The following VIL1 variants were observed in gnomAD, a reference collection of about 807,000 sequenced individuals.
VIL1 encodes the protein villin-1.
Under a neutral mutation model 104.0 loss-of-function variants are expected in VIL1, and 86 were observed. The observed-to-expected ratio is 0.83, with a 90% CI of 0.69 to 0.99. VIL1 has a LOEUF of 0.99. VIL1 is among the 50% of genes least tolerant of loss of function. VIL1 has a pLI of 0.00. For synonymous variants in VIL1, 394 were observed against 412.6 expected (o/e 0.95, Z 0.55); for missense variants, 944 against 1,054.1 (o/e 0.90, Z 1.45).
chr2:218,449,729 G>T lies in VIL1; in HGVS notation c.*393G>T. Reference sequence around the variant, plus strand: ...GGCAGGTAGGCTGAAGCACTTTGCAGGTTTACATCTTCCCCAGAGTAACAG... The same window carrying T: ...GGCAGGTAGGCTGAAGCACTTTGCATGTTTACATCTTCCCCAGAGTAACAG... On this transcript the variant is annotated 3_prime_UTR_variant, in exon 20 of 20. Coordinates refer to ENST00000248444, the MANE Select transcript of VIL1 (RefSeq NM_007127.3). 5.7e-6 allele frequency: 1 copy of T among 176,108 alleles called. No individual in the cohort carries two copies. Among genetic ancestry groups the T allele is most frequent in the South Asian group, 1.3e-4 (1 of 7,972 alleles). The allele number at this position is 176,108 out of a possible 1,614,324, so 10.9% of individuals were successfully genotyped here.
chr2:218,434,379 C>T (rs1331509892), intron 13 of VIL1, 147 bp from the exon 14 acceptor site: 2 of 760,894 alleles, frequency 2.6e-6, no homozygotes, highest in African/African-American at 1.8e-5. Flanking sequence ...GTGATGCAAA[C>T]AATGTTTTAG....
At position 218,430,839 on chromosome 2, in the gene VIL1, A is replaced by G. The variant is rs1689082893; in HGVS notation, c.1063A>G (p.Thr355Ala). ...LFQKWTASNR[T>A]SGLGKTHTVG... is the part of the protein sequence containing the mutation. ...CCAGAAGTGGACAGCGTCCAACCGGACCTCAGGCCTAGGCAAAACCCACAC... is the reference window on the plus strand; with the variant it reads ...CCAGAAGTGGACAGCGTCCAACCGGGCCTCAGGCCTAGGCAAAACCCACAC... The change falls in exon 10 of 20, where the codon ACC becomes GCC. Residue 355 changes from threonine (T) to alanine (A), a missense_variant. Coordinates refer to ENST00000248444, the MANE Select transcript of VIL1 (RefSeq NM_007127.3). 6.2e-7 allele frequency: 1 copy of G among 1,613,904 alleles called. No homozygotes were observed. The highest frequency in any genetic ancestry group is 1.3e-5 in the African/African-American group (1 of 75,000).
At chr2:218,420,245 C>T (rs147704638) in intron 1 of VIL1, among the ~76,000 whole-genome samples, 186 of 152,148 alleles carry the variant, frequency 1.2e-3, no homozygotes, top group African/African-American at 4.4e-3. Context: ...GCCTGACCAA[C>T]ATAGTGAAAC....
chr2:218,432,371 C>A (rs529545606), intron 12 of VIL1, 188 bp downstream of exon 12: 3 of 913,618 alleles, frequency 3.3e-6, no homozygotes, highest in South Asian at 2.9e-5. Context: ...CCTTTTGGTT[C>A]TCTGAGTCTC....
At chr2:218,440,052 T>A (rs1464811317) in intron 18 of VIL1, among the ~76,000 whole-genome samples, 1 of 152,004 alleles carries the variant, frequency 6.6e-6, no homozygotes, top group Non-Finnish European at 1.5e-5. Context: ...CATGAAACCC[T>A]TCTTGGTGGA....
intron 1 of VIL1, among the ~76,000 whole-genome samples, chr2:218,422,179 C>T (rs1412760419): frequency 1.3e-5 from 2 of 152,034 alleles, no homozygotes; most frequent in African/African-American, 2.4e-5. Context: ...CACTTGAACC[C>T]GGGAGGCGGA....
chr2:218,432,467 T>C, intron 12 of VIL1: 1 of 692,022 alleles, frequency 1.4e-6, no homozygotes. Context: ...GAGCAGGGAG[T>C]GTGTCTAGGA....
rs780202109 is a variant in VIL1, at chr2:218,432,193, C to T, written c.1341+10C>T. 26 of 1,609,558 alleles carry T rather than the reference C, an allele frequency of 1.6e-5. No individual in the cohort carries two copies. The highest frequency in any genetic ancestry group is 1.1e-4 in the East Asian group (5 of 44,872). On this transcript the variant is annotated intron_variant, in intron 12 of 19. Coordinates refer to ENST00000248444, the MANE Select transcript of VIL1 (RefSeq NM_007127.3). ...GCTCTACGTTTGGCAGGTCAGGTCC[C>T]GCCACGTCCCACCCAGAGCACAGCC...
At position 218,440,836 on chromosome 2, in the gene VIL1, G is replaced by C. The variant is rs368993342; in HGVS notation, c.2344G>C (p.Glu782Gln). 2 of 1,613,994 alleles carry C rather than the reference G, an allele frequency of 1.2e-6. No individual in the cohort carries two copies. The highest frequency in any genetic ancestry group is 8.5e-7 in the Non-Finnish European group (1 of 1,180,004). Residue 782 changes from glutamate (E) to glutamine (Q), a missense_variant, in exon 19 of 20, where the codon GAG becomes CAG. Transcript: ENST00000248444. ...GAACAAGCCTGTAGAGGAGCTCCCCGAGGGTGTGGACCCCAGCAGGAAGGA... is the reference window on the plus strand; with the variant it reads ...GAACAAGCCTGTAGAGGAGCTCCCCCAGGGTGTGGACCCCAGCAGGAAGGA... ...LVNKPVEELP[E>Q]GVDPSRKEEH...
chr2:218,426,641 G>A (rs529635775), intron 4 of VIL1, among the ~76,000 whole-genome samples: 7 of 150,666 alleles, frequency 4.6e-5, no homozygotes, highest in African/African-American at 1.2e-4. Flanking sequence ...TTGTTCTGCC[G>A]CCCAGGCTGG....
rs759356095 is a variant in VIL1, at chr2:218,429,851, C to T, written c.852C>T (p.Asp284=). 1.2e-6 allele frequency: 2 copies of T among 1,612,836 alleles called. No homozygotes were observed. Among genetic ancestry groups the T allele is most frequent in the Non-Finnish European group, 1.7e-6 (2 of 1,179,458 alleles). Residue 284 remains aspartate (D), a splice_region_variant and synonymous_variant, in exon 9 of 20, where the codon GAC becomes GAT. Coordinates refer to ENST00000248444, the MANE Select transcript of VIL1 (RefSeq NM_007127.3). The part of the protein sequence containing the change: ...PLTQDLLSHE[D]CYILDQGGLK... ...ACTCTTACCTCTCCCGACTCTAGGACTGTTACATCCTGGACCAGGGGGGCC... is the reference window on the plus strand; with the variant it reads ...ACTCTTACCTCTCCCGACTCTAGGATTGTTACATCCTGGACCAGGGGGGCC...
intron 4 of VIL1, among the ~76,000 whole-genome samples, chr2:218,427,158 C>T (rs953584632): frequency 4.6e-5 from 7 of 152,186 alleles, no homozygotes; most frequent in African/African-American, 1.7e-4. Flanking sequence ...GCTGAGGGCT[C>T]TCTAATTAGC....
chr2:218,442,105 G>C (rs957746655), intron 19 of VIL1, among the ~76,000 whole-genome samples: 2 of 152,228 alleles, frequency 1.3e-5, no homozygotes, highest in Non-Finnish European at 2.9e-5. Context: ...CAGGCCGACA[G>C]GTAGGTGGGA....
intron 1 of VIL1, among the ~76,000 whole-genome samples, chr2:218,422,942 C>T (rs1477199017): frequency 6.6e-6 from 1 of 152,164 alleles, no homozygotes; most frequent in Non-Finnish European, 1.5e-5. Flanking sequence ...TAAAAGCACC[C>T]ATGCCTCACC....
At chr2:218,441,943 C>T (rs1440674759) in intron 19 of VIL1, among the ~76,000 whole-genome samples, 1 of 152,126 alleles carries the variant, frequency 6.6e-6, no homozygotes. Flanking sequence ...GCCGAGATTT[C>T]ACCATTGCAC....
rs907178790 is a variant in VIL1, at chr2:218,451,134, A to G, written c.*1798A>G. 1 of 152,216 alleles carries G rather than the reference A, an allele frequency of 6.6e-6. No individual in the cohort carries two copies. The highest frequency in any genetic ancestry group is 2.4e-5 in the African/African-American group (1 of 41,458). The allele number at this position is 152,216 out of a possible 1,614,324, so 9.4% of individuals were successfully genotyped here. On this transcript the variant is annotated 3_prime_UTR_variant, in exon 20 of 20. Coordinates refer to ENST00000248444, the MANE Select transcript of VIL1 (RefSeq NM_007127.3). ...AAAATTAGGATTTTGAAGTAATGCA[A>G]TAAAAAGATGTTGGAGGGCAGAAGT...
In VIL1 at chr2:218,437,104, T is replaced by TC; in HGVS notation, c.1972-16dup. ...AGGGAGGACAGGAAGGATGGACTGA[T>TC]CCCCTGGGTTTCTCAATAGGTCTTC... is the stretch of plus-strand genomic sequence containing the variant. On this transcript the variant is annotated intron_variant, in intron 16 of 19. Transcript: ENST00000248444. 6.2e-7 allele frequency: 1 copy of TC among 1,609,460 alleles called. No individual in the cohort carries two copies.
rs1357008220 is a variant in VIL1 at position 218,434,670 on chromosome 2, A to G, written c.1645A>G (p.Lys549Glu). The G allele has an allele frequency of 6.2e-7, 1 of 1,614,052 alleles. No individual in the cohort carries two copies. The stretch of plus-strand genomic sequence containing the variant: ...CAATTCCAATGATGTCTTTGTCCTC[A>G]AGACCCAGTCTTGCTGCTATCTATG... The part of the protein sequence containing the change: ...FLNSNDVFVL[K>E]TQSCCYLWCG... The change falls in exon 14 of 20, where the codon AAG becomes GAG. Residue 549 changes from lysine (K) to glutamate (E), a missense_variant. Physicochemically the swap from Lys to Glu is moderately conservative, Grantham distance 56. Coordinates refer to ENST00000248444, the MANE Select transcript of VIL1 (RefSeq NM_007127.3).
In VIL1 at chr2:218,451,454, G is replaced by A. The variant is rs897776658; in HGVS notation, c.*2118G>A. ...GAGTATCTACTGCAGTCATTTCAGA[G>A]GACAGAGAAGGAAAATATTTTAATT... On this transcript the variant is annotated 3_prime_UTR_variant, in exon 20 of 20. Coordinates refer to ENST00000248444, the MANE Select transcript of VIL1 (RefSeq NM_007127.3). 6.6e-6 allele frequency: 1 copy of A among 152,110 alleles called. No homozygotes were observed. The highest frequency in any genetic ancestry group is 2.1e-4 in the South Asian group (1 of 4,828). 9.4% of individuals were successfully genotyped at this position (152,110 alleles called of 1,614,324 possible).
Sources: gnomAD v4.1 joint callset for allele counts (sites outside exome capture counted in the v4.1 genomes callset) on GRCh38, gnomAD v4.1.1 for gene constraint, MANE v1.5 for transcripts, NCBI Gene and HGNC (gene_info 2026-07-23, HGNC 2026-07-21) for gene names.